Variants in RYR2 observed in about 807,000 individuals in gnomAD.
RYR2 encodes ryanodine receptor 2, also known as cardiac muscle ryanodine receptor-calcium release channel.
A neutral mutation model predicts 601.1 loss-of-function variants in RYR2; 227 were observed. That is an observed-to-expected ratio of 0.38 (90% CI 0.34 to 0.42). RYR2 has a LOEUF of 0.42. RYR2 is among the 10% of genes least tolerant of loss of function. The pLI, the probability that RYR2 is intolerant of heterozygous loss-of-function variation, is 1.00. For synonymous variants in RYR2, 2,223 were observed against 2,175.1 expected (o/e 1.02, Z -0.61); for missense variants, 4,646 against 6,156.5 (o/e 0.75, Z 8.21).
intron 1 of RYR2, among the ~76,000 whole-genome samples, chr1:237,212,167 A>T (rs769470723): frequency 6.6e-6 from 1 of 152,194 alleles, no homozygotes; most frequent in East Asian, 1.9e-4. Context: ...AATACAGAAA[A>T]TATTAGGTTC....
chr1:237,048,873 A>C (rs1660912798), intron 1 of RYR2, among the ~76,000 whole-genome samples: 4 of 152,200 alleles, frequency 2.6e-5, no homozygotes, highest in African/African-American at 9.6e-5. Flanking sequence ...CCTCCTGCCC[A>C]CAAGTTTAAT....
At chr1:237,745,984 T>A (rs1692040595) in intron 80 of RYR2, among the ~76,000 whole-genome samples, 1 of 152,084 alleles carries the variant, frequency 6.6e-6, no homozygotes, top group African/African-American at 2.4e-5. Flanking sequence ...TTATGTAACA[T>A]GCTACTCTTA....
intron 2 of RYR2, among the ~76,000 whole-genome samples, chr1:237,274,633 G>A (rs985562070): frequency 5.3e-5 from 8 of 152,050 alleles, no homozygotes; most frequent in South Asian, 2.1e-4. Context: ...AGTGTACAGC[G>A]TTTATAAAGT....
chr1:237,611,268 A>C (rs960147097), intron 36 of RYR2, among the ~76,000 whole-genome samples: 3 of 152,232 alleles, frequency 2.0e-5, no homozygotes, highest in South Asian at 4.1e-4. Context: ...GACAATGGCG[A>C]ATAAAAATTC....
chr1:237,175,125 A>G (rs916782663), intron 1 of RYR2, among the ~76,000 whole-genome samples: 2 of 152,052 alleles, frequency 1.3e-5, no homozygotes, highest in South Asian at 2.1e-4. Context: ...GAAGGCTCAT[A>G]TTTTTCTGTT....
At chr1:237,593,690 A>G (rs1675492509) in intron 33 of RYR2, 54 bp downstream of exon 33, 1 of 1,549,104 alleles carries the variant, frequency 6.5e-7, no homozygotes, top group Non-Finnish European at 8.9e-7. Context: ...ATATTGGTGA[A>G]CCTAGCTATT....
chr1:237,114,997 A>G (rs1572685016), intron 1 of RYR2, among the ~76,000 whole-genome samples: 1 of 152,316 alleles, frequency 6.6e-6, no homozygotes, highest in East Asian at 1.9e-4. Flanking sequence ...AGTCATCACC[A>G]AGTATAGGAC....
intron 1 of RYR2, among the ~76,000 whole-genome samples, chr1:237,081,287 A>T (rs1421357511): frequency 7.5e-5 from 11 of 146,924 alleles, no homozygotes; most frequent in South Asian, 4.2e-4. Flanking sequence ...TAATAAAAAA[A>T]AAAAAAAAAA....
chr1:237,643,418 T>C lies in RYR2; in HGVS notation c.7313T>C (p.Ile2438Thr). 1 of 1,613,966 alleles carries C rather than the reference T, an allele frequency of 6.2e-7. No individual in the cohort carries two copies. Among genetic ancestry groups the C allele is most frequent in the Non-Finnish European group, 8.5e-7 (1 of 1,179,862 alleles). Residue 2438 changes from isoleucine to threonine, a missense_variant, in exon 48 of 105, where the codon ATC becomes ACC. This residue lies in a region of RYR2 where 1,497 missense variants were observed against 1,842.6 expected (regional missense o/e 0.81). Coordinates refer to ENST00000366574, the MANE Select transcript of RYR2 (RefSeq NM_001035.3). The part of the protein sequence containing the change: ...PLGDLVGVIS[I>T]AFQMPTIAKD... ...GGAGATTTGGTGGGCGTTATCAGCA[T>C]CGCTTTTCAGATGCCAACAATAGCC...
chr1:237,784,332 C>T lies in RYR2; in HGVS notation c.12620C>T (p.Ser4207Leu), dbSNP rs2149354495. The change falls in exon 90 of 105, where the codon TCG becomes TTG. Residue 4207 changes from serine (S) to leucine (L), a missense_variant. By Grantham distance (145) the Ser-to-Leu change is moderately radical. Around this residue, in one of 17 missense-constraint regions of RYR2, gnomAD observed 70 missense variants for 164.6 expected, o/e 0.43. Transcript: ENST00000366574. The surrounding 1 kb of genome is among the most constrained non-coding windows in gnomAD (Gnocchi z 7.1). ...IFEMQLAAQI[S>L]ESDLNERSAN... The stretch of plus-strand genomic sequence containing the variant: ...GAAATGCAGCTGGCGGCTCAGATCT[C>T]GGAGTCGGACTTGAACGAGAGGTCA... 1 of 1,613,764 alleles carries T rather than the reference C, an allele frequency of 6.2e-7. No individual in the cohort carries two copies. The highest frequency in any genetic ancestry group is 2.2e-5 in the East Asian group (1 of 44,858).
chr1:237,717,316 G>A lies in RYR2; in HGVS notation c.10442G>A (p.Cys3481Tyr), dbSNP rs1182452110. Residue 3481 changes from cysteine to tyrosine, a missense_variant, in exon 72 of 105, where the codon TGT (cysteine) becomes TAT (tyrosine). Transcript: ENST00000366574. Reference sequence around the variant, plus strand: ...TTACTGCCCATTGGGTTGAACATCTGTGCCCCTGGGGACCAGGAGCTCATT... The same window carrying A: ...TTACTGCCCATTGGGTTGAACATCTATGCCCCTGGGGACCAGGAGCTCATT... ...KRLLPIGLNI[C>Y]APGDQELIAL... The A allele has an allele frequency of 1.2e-6, 2 of 1,612,314 alleles. No individual in the cohort carries two copies. Among genetic ancestry groups the A allele is most frequent in the Non-Finnish European group, 1.7e-6 (2 of 1,178,920 alleles).
intron 1 of RYR2, among the ~76,000 whole-genome samples, chr1:237,197,116 A>G (rs556268201): frequency 4.0e-4 from 61 of 152,302 alleles, no homozygotes; most frequent in African/African-American, 1.5e-3. Context: ...CTGGTCTTAT[A>G]TTTAGCTACC....
intron 25 of RYR2, among the ~76,000 whole-genome samples, chr1:237,541,994 C>T (rs898696635): frequency 6.6e-6 from 1 of 152,092 alleles, no homozygotes; most frequent in Non-Finnish European, 1.5e-5. Flanking sequence ...ACAGGGGATG[C>T]GATGGCTTGG....
At chr1:237,485,387 C>T (rs1193259432) in intron 17 of RYR2, among the ~76,000 whole-genome samples, 4 of 152,176 alleles carry the variant, frequency 2.6e-5, no homozygotes, top group Non-Finnish European at 4.4e-5. Context: ...GACAAGGAGG[C>T]AAAATTAAAT....
intron 27 of RYR2, among the ~76,000 whole-genome samples, chr1:237,565,163 CTTTCTTTCTTTCTTTCTTTCTTTCTT>C (rs1671876314): frequency 1.2e-5 from 1 of 83,788 alleles, no homozygotes; most frequent in Non-Finnish European, 2.3e-5. Context: ...CTTTCTCTTT[CTTTCTTTCTTTCTTTCTTTCTTTCTT>C]TCTTTCTTTC....
intron 2 of RYR2, among the ~76,000 whole-genome samples, chr1:237,276,624 G>A (rs1690314129): frequency 6.6e-6 from 1 of 152,136 alleles, no homozygotes. Flanking sequence ...ACAAATATTT[G>A]ATTATTAGAA....
At chr1:237,276,118 G>T (rs1690258798) in intron 2 of RYR2, among the ~76,000 whole-genome samples, 1 of 151,046 alleles carries the variant, frequency 6.6e-6, no homozygotes, top group East Asian at 1.9e-4. Flanking sequence ...ATTTTTTTTT[G>T]AGATGGAGTC....
chr1:237,118,591 T>C (rs1377201965), intron 1 of RYR2, among the ~76,000 whole-genome samples: 3 of 151,736 alleles, frequency 2.0e-5, no homozygotes, highest in Non-Finnish European at 4.4e-5. Context: ...TTATTGTTTG[T>C]TTGTTTTTGT....
chr1:237,351,726 C>A (rs1160361179), intron 3 of RYR2, among the ~76,000 whole-genome samples: 1 of 151,674 alleles, frequency 6.6e-6, no homozygotes, highest in Non-Finnish European at 1.5e-5. Context: ...GCCCAGATGG[C>A]CTCACTGGTT....
Sources: allele counts gnomAD v4.1 joint callset (sites outside exome capture counted in the v4.1 genomes callset), GRCh38; gene constraint gnomAD v4.1.1; regional missense constraint gnomAD v4.1.1; non-coding constraint Gnocchi (gnomAD v3.1); transcripts MANE v1.5; gene names NCBI Gene and HGNC (gene_info 2026-07-23, HGNC 2026-07-21).